CWF19L2: variants seen among roughly 807,000 people sequenced by gnomAD.
CWF19L2 encodes CWF19 like cell cycle control factor 2.
CWF19L2 carries 98 observed loss-of-function variants against 111.7 expected under a neutral mutation model. That is an observed-to-expected ratio of 0.88 (90% CI 0.75 to 1.04). The LOEUF (loss-of-function observed/expected upper bound fraction) is 1.04, where lower values mean the gene tolerates loss of function less well. Among genes scored for constraint, CWF19L2 ranks in the 50% least tolerant of loss-of-function variants. CWF19L2 has a pLI of 0.00. For missense variants in CWF19L2, 1,101 were observed against 1,051.4 expected (o/e 1.05, Z -0.65); for synonymous variants, 351 against 342.9 (o/e 1.02, Z -0.26).
chr11:107,434,340 T>C (rs912668249), intron 6 of CWF19L2, among the ~76,000 whole-genome samples: 54 of 152,152 alleles, frequency 3.5e-4, no homozygotes, highest in Admixed American at 3.3e-3. Flanking sequence ...CCATGAACAT[T>C]TGAAAGCCTT....
At chr11:107,422,865 T>C (rs1382954245) in intron 8 of CWF19L2, among the ~76,000 whole-genome samples, 2 of 151,862 alleles carry the variant, frequency 1.3e-5, no homozygotes, top group African/African-American at 4.8e-5. Context: ...TAAAAAAAAA[T>C]CTCTACAGAA....
At chr11:107,389,693 C>G (rs1483635695) in intron 12 of CWF19L2, among the ~76,000 whole-genome samples, 27 of 152,042 alleles carry the variant, frequency 1.8e-4, no homozygotes, top group Admixed American at 1.7e-3. Flanking sequence ...TTTCTTCTAC[C>G]TCTTCATGGC....
intron 15 of CWF19L2, 140 bp from the exon 16 acceptor site, chr11:107,335,101 T>C (rs1859903459): frequency 5.9e-6 from 3 of 512,228 alleles, no homozygotes; most frequent in Admixed American, 3.7e-5. Flanking sequence ...TTAAGGCTTT[T>C]AGTTATTTAA....
At chr11:107,439,045 A>AAC (rs1555028412) in intron 6 of CWF19L2, 45 bp downstream of exon 6, 2 of 905,238 alleles carry the variant, frequency 2.2e-6, no homozygotes, top group East Asian at 2.6e-5. Context: ...GAAAAAAAAA[A>AAC]AAAAAAAAAA....
In CWF19L2 at chr11:107,353,629, T is replaced by G. The variant is rs751201702; in HGVS notation, c.1980A>C (p.Lys660Asn). ...LGEEEENQRK[K>N]AIAEHRSLAA... is the part of the protein sequence containing the mutation. ...CAAGACTCCGATGCTCAGCAATAGC[T>G]TTTTTCCTTTGGTTCTCTTCCTCTT... Residue 660 changes from lysine to asparagine, a missense_variant, in exon 13 of 18, where the codon AAA becomes AAC. Coordinates refer to ENST00000282251, the MANE Select transcript of CWF19L2 (RefSeq NM_152434.3). 2 of 1,613,802 alleles carry G rather than the reference T, an allele frequency of 1.2e-6. No homozygotes were observed. Among genetic ancestry groups the G allele is most frequent in the Admixed American group, 3.3e-5 (2 of 60,024 alleles).
intron 10 of CWF19L2, among the ~76,000 whole-genome samples, chr11:107,410,503 A>G (rs1861141853): frequency 6.6e-6 from 1 of 152,200 alleles, no homozygotes; most frequent in Non-Finnish European, 1.5e-5. Flanking sequence ...GGGAAAAAAA[A>G]GCTTTCTATT....
rs1282720627 is a variant in CWF19L2 at position 107,369,171 on chromosome 11, AT to A, written c.1873-15436del. ...GAGTTACACGGTTTTTTAGTTATCC[AT>A]TTTTTTCTTCATTATTTGTGCTCTC... On this transcript the variant is annotated intron_variant, in intron 12 of 17. Transcript: ENST00000282251. Among the ~76,000 whole-genome samples the A allele has an allele frequency of 2.2e-5, 3 of 136,452 alleles. 1 individual carries two copies. Among genetic ancestry groups the A allele is most frequent in the Non-Finnish European group, 4.7e-5 (3 of 63,774 alleles). 89.5% of individuals were successfully genotyped at this position (136,452 alleles called of 152,430 possible).
intron 10 of CWF19L2, chr11:107,404,103 C>A (rs1388522381): frequency 1.2e-5 from 9 of 773,932 alleles, no homozygotes; most frequent in Admixed American, 1.0e-4. Flanking sequence ...CTCCTTTCTC[C>A]ATGTGAGACT....
At chr11:107,362,575 C>T (rs1459400070) in intron 12 of CWF19L2, among the ~76,000 whole-genome samples, 1 of 152,052 alleles carries the variant, frequency 6.6e-6, no homozygotes, top group African/African-American at 2.4e-5. Flanking sequence ...TGACACCTCA[C>T]ATGGCTGGGT....
intron 4 of CWF19L2, 57 bp downstream of exon 4, chr11:107,442,861 AGAGGGAAGGAGGGAGGGAGGG>A (rs1861649949): frequency 1.6e-6 from 1 of 634,088 alleles, no homozygotes. Flanking sequence ...GGAGGGATAG[AGAGGGAAGGAGGGAGGGAGGG>A]AGGAAGGAAG....
Position 107,334,947 on chromosome 11 carries a change from T to A in CWF19L2, c.2373A>T (p.Glu791Asp). 2 of 1,601,352 alleles carry A rather than the reference T, an allele frequency of 1.2e-6. No homozygotes were observed. Among genetic ancestry groups the A allele is most frequent in the Non-Finnish European group, 1.7e-6 (2 of 1,169,028 alleles). ...APIYFKKAIMESDEEWSMNKK... is the reference protein window; with the variant it reads ...APIYFKKAIMDSDEEWSMNKK... ...TGTTCATGGACCACTCTTCATCAGA[T>A]TCCATTATGGCTTTCTAAGAAATAT... Residue 791 changes from glutamate (E) to aspartate (D), a missense_variant, in exon 16 of 18, where the codon GAA becomes GAT. Physicochemically the swap from Glu to Asp is conservative, Grantham distance 45. Coordinates refer to ENST00000282251, the MANE Select transcript of CWF19L2 (RefSeq NM_152434.3).
chr11:107,453,992 A>G (rs917759201), intron 3 of CWF19L2, among the ~76,000 whole-genome samples: 7 of 152,150 alleles, frequency 4.6e-5, no homozygotes, highest in African/African-American at 1.7e-4. Context: ...CCACAGTTCA[A>G]TAGAACACCA....
At chr11:107,374,418 T>A (rs1370327237) in intron 12 of CWF19L2, among the ~76,000 whole-genome samples, 6 of 134,542 alleles carry the variant, frequency 4.5e-5, no homozygotes, top group Non-Finnish European at 9.4e-5. Flanking sequence ...TAACAGCAGA[T>A]CTCTCGGCAG....
chr11:107,416,786 T>C (rs986618048), intron 9 of CWF19L2, among the ~76,000 whole-genome samples: 2 of 152,228 alleles, frequency 1.3e-5, no homozygotes, highest in Non-Finnish European at 2.9e-5. Context: ...CATGAAGTAA[T>C]ACATTAAATA....
chr11:107,383,055 C>T (rs568311576), intron 12 of CWF19L2, among the ~76,000 whole-genome samples: 192 of 152,350 alleles, frequency 1.3e-3, no homozygotes, highest in African/African-American at 4.3e-3. Flanking sequence ...CCTCGCCCTA[C>T]GCGTCTCTTC....
At chr11:107,397,108 G>C (rs942171019) in intron 10 of CWF19L2, among the ~76,000 whole-genome samples, 1 of 152,148 alleles carries the variant, frequency 6.6e-6, no homozygotes, top group Admixed American at 6.5e-5. Flanking sequence ...ACTCCACAGG[G>C]AAAAGGAATT....
intron 14 of CWF19L2, among the ~76,000 whole-genome samples, chr11:107,344,209 T>C (rs988430004): frequency 9.9e-5 from 15 of 152,014 alleles, no homozygotes; most frequent in African/African-American, 3.6e-4. Flanking sequence ...TAAGACTCAA[T>C]CTCAAAAAAA....
rs1861420175 is a variant in CWF19L2 at position 107,428,938 on chromosome 11, T to C, written c.1294A>G (p.Asn432Asp). ...GTACTGGTTTCCGATGGCTTTTGAT[T>C]TGAATGTTTCTTGTCTCCTCTCCCA... ...SDGRGDKKHS[N>D]QKPSETSTDE... The change falls in exon 8 of 18, where the codon AAT becomes GAT. Residue 432 changes from asparagine to aspartate, a missense_variant. Asn to Asp is a conservative substitution (Grantham distance 23, BLOSUM62 1). Transcript: ENST00000282251. The C allele has an allele frequency of 1.9e-6, 3 of 1,613,808 alleles. No homozygotes were observed. In the South Asian group the frequency reaches 3.3e-5, roughly 18 times the overall value.
intron 10 of CWF19L2, among the ~76,000 whole-genome samples, chr11:107,394,711 T>C (rs923455896): frequency 6.6e-6 from 1 of 152,170 alleles, no homozygotes; most frequent in Non-Finnish European, 1.5e-5. Flanking sequence ...ACATGAATTA[T>C]TAATATAAAC....
Sources: allele counts gnomAD v4.1 joint callset (sites outside exome capture counted in the v4.1 genomes callset), GRCh38; gene constraint gnomAD v4.1.1; transcripts MANE v1.5; gene names NCBI Gene and HGNC (gene_info 2026-07-23, HGNC 2026-07-21).